The following UBE2Q2 variants were observed in gnomAD, a reference collection of about 807,000 sequenced individuals.
The protein encoded by UBE2Q2 is ubiquitin conjugating enzyme E2 Q2.
UBE2Q2 carries 54 observed loss-of-function variants against 59.9 expected under a neutral mutation model. The ratio of observed to expected loss-of-function variants is 0.90; its 90% CI spans 0.72 to 1.13. UBE2Q2 has a LOEUF of 1.13. UBE2Q2 is among the 50% of genes most tolerant of loss of function. The probability of loss-of-function intolerance (pLI) is 0.00; values close to 1 mark genes in which losing one functional copy is unlikely to be tolerated. For missense variants in UBE2Q2, 433 were observed against 441.9 expected (o/e 0.98, Z 0.18); for synonymous variants, 165 against 155.2 (o/e 1.06, Z -0.47).
intron 2 of UBE2Q2, among the ~76,000 whole-genome samples, chr15:75,857,935 G>C (rs1270134387): frequency 1.3e-5 from 2 of 152,110 alleles, no homozygotes; most frequent in African/African-American, 4.8e-5. Flanking sequence ...ACAGGAAACT[G>C]TCAATAGTAG....
chr15:75,883,460 T>C (rs759347544), intron 9 of UBE2Q2, 36 bp downstream of exon 9: 21 of 1,579,364 alleles, frequency 1.3e-5, no homozygotes, highest in Non-Finnish European at 1.7e-5. Context: ...GAAATTTTTT[T>C]CAGTTAAAAA....
At chr15:75,870,586 C>T (rs575719020) in intron 4 of UBE2Q2, among the ~76,000 whole-genome samples, 17 of 151,972 alleles carry the variant, frequency 1.1e-4, no homozygotes, top group Non-Finnish European at 2.2e-4. Flanking sequence ...AACAAGGGGC[C>T]GCAACATGGA....
At chr15:75,872,424 T>C (rs1897845396) in intron 4 of UBE2Q2, among the ~76,000 whole-genome samples, 1 of 151,716 alleles carries the variant, frequency 6.6e-6, no homozygotes, top group Non-Finnish European at 1.5e-5. Flanking sequence ...ATTTAAATTC[T>C]GCATAGATTT....
intron 10 of UBE2Q2, 85 bp downstream of exon 10, chr15:75,890,568 A>G (rs749850311): frequency 1.6e-5 from 19 of 1,173,292 alleles, no homozygotes; most frequent in Non-Finnish European, 2.4e-5. Flanking sequence ...AAATTCTTTA[A>G]TAGCTCCTAC....
chr15:75,870,670 C>T (rs1403436528), intron 4 of UBE2Q2, among the ~76,000 whole-genome samples: 1 of 152,014 alleles, frequency 6.6e-6, no homozygotes, highest in East Asian at 1.9e-4. Context: ...ATTCTAGGCT[C>T]CTAAAATAAT....
chr15:75,861,608 G>A (rs1897212601), intron 3 of UBE2Q2, among the ~76,000 whole-genome samples: 4 of 151,970 alleles, frequency 2.6e-5, no homozygotes, highest in Admixed American at 2.6e-4. Flanking sequence ...TAGACCTCTT[G>A]TCTTGAGTCT....
Position 75,855,783 on chromosome 15 carries a change from AG to A in UBE2Q2, c.282+1297del, listed in dbSNP as rs557592840. ...ACTTAGATGTGCACGACTTTTATCAAGAACATGACAATTTTGCTGAGTGGAA... is the reference window on the plus strand; with the variant it reads ...ACTTAGATGTGCACGACTTTTATCAAAACATGACAATTTTGCTGAGTGGAA... On this transcript the variant is annotated intron_variant, in intron 2 of 12. Transcript: ENST00000267938. Among the ~76,000 whole-genome samples the A allele has an allele frequency of 2.2e-4, 34 of 152,356 alleles. No individual in the cohort carries two copies. The East Asian group carries it at 6.5e-3, about 29-fold the overall frequency.
intron 11 of UBE2Q2, 94 bp downstream of exon 11, chr15:75,891,108 T>G: frequency 1.1e-6 from 1 of 937,196 alleles, no homozygotes; most frequent in Non-Finnish European, 1.6e-6. Flanking sequence ...TTTTTTGAGA[T>G]AGTTTCATTT....
At chr15:75,846,316 C>A (rs1896342853) in intron 1 of UBE2Q2, among the ~76,000 whole-genome samples, 1 of 152,212 alleles carries the variant, frequency 6.6e-6, no homozygotes, top group Admixed American at 6.5e-5. Flanking sequence ...GGGCCCACTG[C>A]AACCTCCGCC....
At position 75,891,463 on chromosome 15, in the gene UBE2Q2, T is replaced by C. The variant is rs556529313; in HGVS notation, c.1029+449T>C. Among the ~76,000 whole-genome samples the C allele has an allele frequency of 9.9e-5, 15 of 151,450 alleles. No individual in the cohort carries two copies. In the East Asian group the frequency reaches 2.7e-3, roughly 27 times the overall value. ...TTTCATTTATTTTTACTTTTTTTTT[T>C]CTCTGTGCCTATGCTTACCAAGTTT... On this transcript the variant is annotated intron_variant, in intron 11 of 12. Transcript: ENST00000267938.
chr15:75,868,471 A>G (rs1005359445), intron 3 of UBE2Q2, among the ~76,000 whole-genome samples: 5 of 152,200 alleles, frequency 3.3e-5, no homozygotes, highest in Admixed American at 1.3e-4. Flanking sequence ...GTTTTGTGAA[A>G]TGTCTATTAT....
Position 75,876,283 on chromosome 15 carries a change from T to C in UBE2Q2, c.673+12T>C. 1.3e-6 allele frequency: 2 copies of C among 1,587,318 alleles called. No individual in the cohort carries two copies. Among genetic ancestry groups the C allele is most frequent in the Non-Finnish European group, 1.7e-6 (2 of 1,156,678 alleles). ...GAGTTATAAAACAGGTAAGGATCTC[T>C]GGATCCCTGCTCTCTTTATGATTCT... On this transcript the variant is annotated intron_variant, in intron 6 of 12. Transcript: ENST00000267938.
Position 75,863,629 on chromosome 15 carries a change from A to G in UBE2Q2, c.387+3647A>G, listed in dbSNP as rs11856658. ...GCCAGCTGATATTTTATAAACATCTATGATCACCTGGCCAGTCTTTTTTTT... is the reference window on the plus strand; with the variant it reads ...GCCAGCTGATATTTTATAAACATCTGTGATCACCTGGCCAGTCTTTTTTTT... On this transcript the variant is annotated intron_variant, in intron 3 of 12. Transcript: ENST00000267938. Among the ~76,000 whole-genome samples the G allele has an allele frequency of 2.0e-3, 292 of 146,936 alleles. 1 individual carries two copies. Among genetic ancestry groups the G allele is most frequent in the African/African-American group, 7.0e-3 (276 of 39,510 alleles).
intron 2 of UBE2Q2, among the ~76,000 whole-genome samples, chr15:75,856,567 A>G (rs1896928744): frequency 6.6e-6 from 1 of 152,160 alleles, no homozygotes; most frequent in African/African-American, 2.4e-5. Context: ...TCTTAGGAAA[A>G]CTATTTGAGG....
intron 3 of UBE2Q2, among the ~76,000 whole-genome samples, chr15:75,863,808 AATTT>A (rs1209550464): frequency 6.6e-6 from 1 of 151,916 alleles, no homozygotes; most frequent in Non-Finnish European, 1.5e-5. Context: ...ACGCTCGGCT[AATTT>A]TTTGTATTTT....
intron 8 of UBE2Q2, among the ~76,000 whole-genome samples, chr15:75,880,625 C>T (rs1482719885): frequency 6.6e-6 from 1 of 151,950 alleles, no homozygotes; most frequent in African/African-American, 2.4e-5. Context: ...CCCAGCCCCC[C>T]GAGTAGCTGG....
At chr15:75,893,752 A>AAT (rs1299999317) in intron 11 of UBE2Q2, among the ~76,000 whole-genome samples, 23 of 152,348 alleles carry the variant, frequency 1.5e-4, no homozygotes, top group Admixed American at 7.8e-4. Flanking sequence ...TTAAGGTTAG[A>AAT]AGGCAATAAT....
At chr15:75,859,025 T>A (rs966449544) in intron 2 of UBE2Q2, among the ~76,000 whole-genome samples, 1 of 152,216 alleles carries the variant, frequency 6.6e-6, no homozygotes, top group Non-Finnish European at 1.5e-5. Context: ...CCTAGGAAAC[T>A]GTTCCTGACC....
intron 9 of UBE2Q2, among the ~76,000 whole-genome samples, chr15:75,885,369 G>C (rs1159275390): frequency 6.6e-6 from 1 of 152,158 alleles, no homozygotes; most frequent in Non-Finnish European, 1.5e-5. Context: ...GCCTGCCTCA[G>C]CCTCCCAAAG....
Sources: gnomAD v4.1 joint callset for allele counts (sites outside exome capture counted in the v4.1 genomes callset) on GRCh38, gnomAD v4.1.1 for gene constraint, MANE v1.5 for transcripts, NCBI Gene and HGNC (gene_info 2026-07-23, HGNC 2026-07-21) for gene names.